The following GALNT13 variants were observed in gnomAD, a reference collection of about 807,000 sequenced individuals.
GALNT13 encodes UDP-GalNAc:polypeptide N-acetylgalactosaminyltransferase 13.
A neutral mutation model predicts 64.2 loss-of-function variants in GALNT13; 28 were observed. That is an observed-to-expected ratio of 0.44 (90% confidence interval 0.32 to 0.60). The LOEUF (loss-of-function observed/expected upper bound fraction) is 0.60, where lower values mean the gene tolerates loss of function less well. GALNT13 is among the 20% of genes least tolerant of loss of function. The pLI is 0.05. For synonymous variants in GALNT13, 214 were observed against 224.6 expected, an observed-to-expected ratio of 0.95 and a Z score of 0.42; for missense variants, 577 against 669.8, an observed-to-expected ratio of 0.86 and a Z score of 1.53.
intron 8 of GALNT13, chr2:154,286,986 T>C: frequency 1.8e-6 from 1 of 571,120 alleles, no homozygotes; most frequent in South Asian, 1.8e-5. Context: ...CAGTGGTGGC[T>C]CACTTTGATG....
chr2:153,605,577 G>A, the GALNT13 span, among the ~76,000 whole-genome samples: 2 of 152,122 alleles, frequency 1.3e-5, no homozygotes, highest in South Asian at 4.1e-4. Flanking sequence ...CAATTCCTCT[G>A]GAGCTACTTG....
At chr2:154,195,909 G>A (rs1051834261) in intron 4 of GALNT13, among the ~76,000 whole-genome samples, 19 of 152,094 alleles carry the variant, frequency 1.2e-4, no homozygotes, top group African/African-American at 4.6e-4. Context: ...CTGCAGAACT[G>A]TACTGCTCCT....
the GALNT13 span, among the ~76,000 whole-genome samples, chr2:153,158,751 A>G: frequency 7.9e-5 from 12 of 152,212 alleles, no homozygotes; most frequent in Non-Finnish European, 1.8e-4. Flanking sequence ...CCAATGAACT[A>G]TCTACAAACA....
At chr2:153,611,359 C>CT in the GALNT13 span, among the ~76,000 whole-genome samples, 1 of 152,088 alleles carries the variant, frequency 6.6e-6, no homozygotes, top group Non-Finnish European at 1.5e-5. Context: ...CCCCGTCCGC[C>CT]TTTTTTTAAT....
chr2:154,010,603 G>A (rs1260312061), intron 3 of GALNT13, among the ~76,000 whole-genome samples: 1 of 152,006 alleles, frequency 6.6e-6, no homozygotes, highest in African/African-American at 2.4e-5. Context: ...TAGCCTCTTG[G>A]AATGAATTAG....
chr2:153,892,386 A>G (rs1011227513), intron 1 of GALNT13, among the ~76,000 whole-genome samples: 1 of 152,040 alleles, frequency 6.6e-6, no homozygotes, highest in Non-Finnish European at 1.5e-5. Flanking sequence ...ATCTCTTGCA[A>G]TGATAATCTC....
the GALNT13 span, among the ~76,000 whole-genome samples, chr2:153,259,521 C>T: frequency 6.6e-6 from 1 of 151,958 alleles, no homozygotes; most frequent in East Asian, 1.9e-4. Context: ...TCCCATAATC[C>T]CCATATGTCA....
chr2:153,946,239 C>G (rs1691732967), intron 3 of GALNT13, among the ~76,000 whole-genome samples: 2 of 152,080 alleles, frequency 1.3e-5, no homozygotes, highest in South Asian at 4.1e-4. Flanking sequence ...ATGTAATAAT[C>G]TGATTCAGCA....
At chr2:153,578,832 A>G in the GALNT13 span, among the ~76,000 whole-genome samples, 1 of 152,162 alleles carries the variant, frequency 6.6e-6, no homozygotes, top group African/African-American at 2.4e-5. Flanking sequence ...TGCAAAACAC[A>G]TTGGCGTCAC....
the GALNT13 span, among the ~76,000 whole-genome samples, chr2:153,433,161 G>T: frequency 6.6e-6 from 1 of 152,092 alleles, no homozygotes; most frequent in Non-Finnish European, 1.5e-5. Flanking sequence ...ATTCTAAGAA[G>T]AGAGGAAATT....
At chr2:153,697,661 A>G in the GALNT13 span, among the ~76,000 whole-genome samples, 2 of 152,218 alleles carry the variant, frequency 1.3e-5, no homozygotes, top group Non-Finnish European at 2.9e-5. Context: ...AATTGAGGCT[A>G]TGAGTAATAT....
At chr2:153,552,575 CTTTTTTTTTT>C in the GALNT13 span, among the ~76,000 whole-genome samples, 11 of 69,326 alleles carry the variant, frequency 1.6e-4, no homozygotes, top group East Asian at 9.5e-4. Flanking sequence ...GCTTCTTCTT[CTTTTTTTTTT>C]TTTTTTTTTT....
chr2:153,589,052 T>C, the GALNT13 span, among the ~76,000 whole-genome samples: 1 of 152,076 alleles, frequency 6.6e-6, no homozygotes, highest in Admixed American at 6.6e-5. Flanking sequence ...CTCGGGAGGC[T>C]GAGGCAGGAG....
the GALNT13 span, among the ~76,000 whole-genome samples, chr2:153,409,319 T>C: frequency 2.7e-5 from 4 of 147,242 alleles, no homozygotes; most frequent in African/African-American, 1.0e-4. Flanking sequence ...TATGAATATG[T>C]ATATATTCAT....
chr2:153,345,831 T>C, the GALNT13 span, among the ~76,000 whole-genome samples: 1 of 151,196 alleles, frequency 6.6e-6, no homozygotes, highest in Non-Finnish European at 1.5e-5. Flanking sequence ...GGTTTTGCCT[T>C]GTGGCCCAGG....
chr2:153,300,740 A>G, the GALNT13 span, among the ~76,000 whole-genome samples: 8 of 152,218 alleles, frequency 5.3e-5, no homozygotes. Context: ...ATTATGTACC[A>G]TAACTGCCAA....
chr2:153,181,005 AT>A, the GALNT13 span, among the ~76,000 whole-genome samples: 2 of 38,680 alleles, frequency 5.2e-5, no homozygotes, highest in Non-Finnish European at 1.2e-4. Context: ...TCTCTATTTT[AT>A]TTATTTTCTG....
intron 9 of GALNT13, among the ~76,000 whole-genome samples, chr2:154,351,820 G>T (rs1006395945): frequency 6.7e-6 from 1 of 148,784 alleles, no homozygotes; most frequent in South Asian, 2.2e-4. Flanking sequence ...AATAGTGTAG[G>T]TTCTAAACAC....
intron 4 of GALNT13, among the ~76,000 whole-genome samples, chr2:154,191,064 T>C (rs1686550808): frequency 6.6e-6 from 1 of 152,190 alleles, no homozygotes; most frequent in African/African-American, 2.4e-5. Flanking sequence ...TCGTAAAATA[T>C]TCTCTCTGAA....
Sources: allele counts gnomAD v4.1 joint callset (sites outside exome capture counted in the v4.1 genomes callset), GRCh38; gene constraint gnomAD v4.1.1; transcripts MANE v1.5; gene names NCBI Gene and HGNC (gene_info 2026-07-23, HGNC 2026-07-21).